The following TNR variants were observed in gnomAD, a reference collection of about 807,000 sequenced individuals.
The protein encoded by TNR is tenascin R, also known as tenascin-R.
A neutral mutation model predicts 150.4 loss-of-function variants in TNR; 45 were observed. That is an observed-to-expected ratio of 0.30 (90% confidence interval 0.24 to 0.38). The LOEUF is 0.38. Among genes scored for constraint, TNR ranks in the 10% least tolerant of loss-of-function variants. TNR has a pLI of 1.00. For synonymous variants in TNR, 687 were observed against 678.4 expected (o/e 1.01, Z -0.20); for missense variants, 1,544 against 1,759.1 (o/e 0.88, Z 2.19).
chr1:175,521,839 C>T (rs1659653069), intron 2 of TNR, among the ~76,000 whole-genome samples: 1 of 152,168 alleles, frequency 6.6e-6, no homozygotes, highest in Non-Finnish European at 1.5e-5. Flanking sequence ...ACTACTGTAA[C>T]ACAGCCAATG....
chr1:175,720,262 C>G (rs1477872715), intron 1 of TNR, among the ~76,000 whole-genome samples: 5 of 152,096 alleles, frequency 3.3e-5, no homozygotes, highest in Admixed American at 1.3e-4. Flanking sequence ...CTTGTGCTCT[C>G]TCTCTCTCTC....
chr1:175,576,985 G>A (rs553250405), intron 1 of TNR, among the ~76,000 whole-genome samples: 1 of 152,178 alleles, frequency 6.6e-6, no homozygotes, highest in Non-Finnish European at 1.5e-5. Context: ...CTGGTAATTA[G>A]CCAAAGAAGG....
Position 175,319,773 on chromosome 1 carries a change from C to G in TNR, c.*3584G>C, listed in dbSNP as rs1648947600. 1 of 152,254 alleles carries G rather than the reference C, an allele frequency of 6.6e-6. No homozygotes were observed. Among genetic ancestry groups the G allele is most frequent in the African/African-American group, 2.4e-5 (1 of 41,458 alleles). The allele number at this position is 152,254 out of a possible 1,614,324, so 9.4% of individuals were successfully genotyped here. ...CTGGAAACTTGGAGACGTGGCCTTT[C>G]TCAACCCCGCTGACGTTTCACACGG... On this transcript the variant is annotated 3_prime_UTR_variant, in exon 23 of 23. Coordinates refer to ENST00000367674, the MANE Select transcript of TNR (RefSeq NM_003285.3).
At chr1:175,579,966 G>A (rs920765540) in intron 1 of TNR, among the ~76,000 whole-genome samples, 3 of 152,144 alleles carry the variant, frequency 2.0e-5, no homozygotes, top group African/African-American at 7.2e-5. Flanking sequence ...TCCCTGAAAA[G>A]ATGCTGAGGT....
chr1:175,467,981 C>A (rs1657106088), intron 2 of TNR, among the ~76,000 whole-genome samples: 1 of 152,144 alleles, frequency 6.6e-6, no homozygotes, highest in South Asian at 2.1e-4. Context: ...GAGGGAATGG[C>A]AAATTAGATA....
chr1:175,737,947 C>T (rs958075542), intron 1 of TNR, among the ~76,000 whole-genome samples: 1 of 152,162 alleles, frequency 6.6e-6, no homozygotes, highest in South Asian at 2.1e-4. Flanking sequence ...GAGGGCTGCA[C>T]CTCTTCCTGC....
intron 14 of TNR, among the ~76,000 whole-genome samples, chr1:175,360,369 G>A (rs1337681898): frequency 6.6e-6 from 1 of 152,210 alleles, no homozygotes; most frequent in African/African-American, 2.4e-5. Flanking sequence ...TGAGTCCTTG[G>A]TATTCTTTTT....
chr1:175,357,157 A>G (rs1022498912), intron 15 of TNR, among the ~76,000 whole-genome samples: 3 of 152,110 alleles, frequency 2.0e-5, no homozygotes, highest in African/African-American at 2.4e-5. Context: ...TTTCTATTGC[A>G]TTTTGCCTCA....
chr1:175,417,076 A>AAAGAAATC (rs1491457290), intron 2 of TNR, among the ~76,000 whole-genome samples: 125 of 113,750 alleles, frequency 1.1e-3, no homozygotes, highest in African/African-American at 3.2e-3. Flanking sequence ...AGAAAGAAAG[A>AAAGAAATC]AATCTAAGAA....
intron 1 of TNR, among the ~76,000 whole-genome samples, chr1:175,719,062 G>A (rs1667231734): frequency 6.6e-6 from 1 of 152,142 alleles, no homozygotes; most frequent in South Asian, 2.1e-4. Flanking sequence ...GCCTTCATTT[G>A]CTTATCTTCT....
intron 1 of TNR, among the ~76,000 whole-genome samples, chr1:175,613,947 C>G (rs1169170496): frequency 1.3e-5 from 2 of 152,132 alleles, no homozygotes; most frequent in African/African-American, 2.4e-5. Flanking sequence ...GAAATATGAA[C>G]CCGGTCAAAT....
intron 1 of TNR, among the ~76,000 whole-genome samples, chr1:175,656,391 C>A (rs185743656): frequency 6.6e-6 from 1 of 152,136 alleles, no homozygotes; most frequent in Non-Finnish European, 1.5e-5. Flanking sequence ...TCCTACTGAC[C>A]GGACCTGGGT....
chr1:175,532,278 G>C (rs890325253), intron 1 of TNR, among the ~76,000 whole-genome samples: 1 of 152,200 alleles, frequency 6.6e-6, no homozygotes, highest in Non-Finnish European at 1.5e-5. Context: ...CACAGCAGTT[G>C]GTTGCTGAAC....
intron 1 of TNR, chr1:175,538,632 C>T (rs1481455121): frequency 1.3e-5 from 2 of 152,230 alleles, no homozygotes; most frequent in East Asian, 1.9e-4. Context: ...TTGGATGAGA[C>T]TGTCCAGGGT....
intron 1 of TNR, among the ~76,000 whole-genome samples, chr1:175,722,581 C>T (rs1323915351): frequency 6.6e-6 from 1 of 151,702 alleles, no homozygotes; most frequent in Non-Finnish European, 1.5e-5. Flanking sequence ...CCTCCCATCT[C>T]AGCCTCCCAG....
intron 1 of TNR, among the ~76,000 whole-genome samples, chr1:175,593,466 C>T (rs895607922): frequency 1.3e-5 from 2 of 152,094 alleles, no homozygotes; most frequent in Non-Finnish European, 2.9e-5. Context: ...TTATGTAGGG[C>T]CCTCTTAATA....
chr1:175,375,953 T>TTTTCTTTA lies in TNR; in HGVS notation c.1963+3598_1963+3599insTAAAGAAA, dbSNP rs1341076148. 2.6e-5 allele frequency among the ~76,000 whole-genome samples: 4 copies of TTTTCTTTA among 152,230 alleles called. No homozygotes were observed. In the East Asian group the frequency reaches 7.7e-4, roughly 29 times the overall value. On this transcript the variant is annotated intron_variant, in intron 9 of 22. Transcript: ENST00000367674. Reference sequence around the variant, plus strand: ...TGTCTTTTAGATGAGAGAACTAAAGTGCAGGAAATTTAAGAAATTTGCTCA... The same window carrying TTTTCTTTA: ...TGTCTTTTAGATGAGAGAACTAAAGTTTTCTTTAGCAGGAAATTTAAGAAATTTGCTCA...
rs1384581659 is a variant in TNR, at chr1:175,337,768, T to G, written c.3383-89A>C. 3 of 1,422,568 alleles carry G rather than the reference T, an allele frequency of 2.1e-6. No homozygotes were observed. In the Middle Eastern group the frequency reaches 6.5e-4, roughly 306 times the overall value. The allele number at this position is 1,422,568 out of a possible 1,614,324, so 88.1% of individuals were successfully genotyped here. ...GGATCATAGAAGGTCTTAGCAGGCC[T>G]CCTGGTACATCATCAACAGCTGTAA... On this transcript the variant is annotated intron_variant, in intron 18 of 22. Coordinates refer to ENST00000367674, the MANE Select transcript of TNR (RefSeq NM_003285.3).
intron 1 of TNR, among the ~76,000 whole-genome samples, chr1:175,621,122 C>T (rs1663961788): frequency 6.6e-6 from 1 of 152,202 alleles, no homozygotes; most frequent in African/African-American, 2.4e-5. Flanking sequence ...GTGGAGACCT[C>T]TTCTTTCCAG....
Sources: allele counts gnomAD v4.1 joint callset (sites outside exome capture counted in the v4.1 genomes callset), GRCh38; gene constraint gnomAD v4.1.1; transcripts MANE v1.5; gene names NCBI Gene and HGNC (gene_info 2026-07-23, HGNC 2026-07-21).